The following RMDN2 variants were observed in gnomAD, a reference collection of about 807,000 sequenced individuals.
RMDN2 encodes the protein regulator of microtubule dynamics 2.
RMDN2 carries 61 observed loss-of-function variants against 52.8 expected under a neutral mutation model. The observed-to-expected ratio is 1.16, with a 90% CI of 0.94 to 1.43. The LOEUF is 1.43. Among genes scored for constraint, RMDN2 ranks in the 40% most tolerant of loss-of-function variants. RMDN2 has a pLI of 0.00. For synonymous variants in RMDN2, 180 were observed against 153.1 expected (o/e 1.18, Z -1.30); for missense variants, 592 against 475.3 (o/e 1.25, Z -2.28).
intron 10 of RMDN2, among the ~76,000 whole-genome samples, chr2:38,062,185 A>C (rs1200959058): frequency 1.3e-5 from 2 of 152,240 alleles, no homozygotes; most frequent in Admixed American, 1.3e-4. Context: ...TGTCACAATC[A>C]GAAAACCTTC....
At chr2:37,943,849 T>C (rs1339785707) in intron 2 of RMDN2, among the ~76,000 whole-genome samples, 1 of 152,186 alleles carries the variant, frequency 6.6e-6, no homozygotes, top group African/African-American at 2.4e-5. Flanking sequence ...CCTGACTTTA[T>C]AATTTTTAGT....
intron 10 of RMDN2, among the ~76,000 whole-genome samples, chr2:38,038,071 C>T (rs1419619966): frequency 6.6e-6 from 1 of 152,176 alleles, no homozygotes; most frequent in Non-Finnish European, 1.5e-5. Context: ...CTTCTCCCCT[C>T]CATTCTCCCC....
chr2:37,995,383 AT>A (rs753008773), intron 7 of RMDN2, among the ~76,000 whole-genome samples: 5 of 150,862 alleles, frequency 3.3e-5, no homozygotes, highest in African/African-American at 4.9e-5. Flanking sequence ...ACACTCATAA[AT>A]TTTAAGGCAA....
At chr2:38,040,461 T>C (rs2116233) in intron 10 of RMDN2, among the ~76,000 whole-genome samples, 1 of 151,950 alleles carries the variant, frequency 6.6e-6, no homozygotes, top group African/African-American at 2.4e-5. Context: ...CCTTCCATCA[T>C]GTAAGGACAC....
At chr2:37,960,744 G>A (rs562605099) in intron 2 of RMDN2, among the ~76,000 whole-genome samples, 1 of 152,240 alleles carries the variant, frequency 6.6e-6, no homozygotes, top group Admixed American at 6.5e-5. Context: ...GATTCCAGCT[G>A]GTTATTTTGC....
chr2:37,990,021 T>C (rs1335302885), intron 6 of RMDN2, among the ~76,000 whole-genome samples: 1 of 151,208 alleles, frequency 6.6e-6, no homozygotes, highest in East Asian at 1.9e-4. Flanking sequence ...CGGGCGCCTA[T>C]AGTCCCAGCT....
intron 2 of RMDN2, among the ~76,000 whole-genome samples, chr2:37,969,004 GT>G (rs924425486): frequency 2.0e-4 from 30 of 147,594 alleles, no homozygotes; most frequent in African/African-American, 7.2e-4. Context: ...GAAGATCCCT[GT>G]TCAAAGTAGG....
In RMDN2 at chr2:37,960,241, G is replaced by C. The variant is rs1240567558; in HGVS notation, c.453-13799G>C. Reference sequence around the variant, plus strand: ...TGATCTGTCTAACATTGACAATGGGGTTTTAAAGTCTCCCACTATTAATGT... The same window carrying C: ...TGATCTGTCTAACATTGACAATGGGCTTTTAAAGTCTCCCACTATTAATGT... On this transcript the variant is annotated intron_variant, in intron 2 of 10. Coordinates refer to ENST00000354545, the MANE Select transcript of RMDN2 (RefSeq NM_001170791.3). Among the ~76,000 whole-genome samples the C allele has an allele frequency of 3.3e-5, 5 of 152,122 alleles. No homozygotes were observed. In the East Asian group the frequency reaches 9.7e-4, roughly 29 times the overall value.
chr2:37,984,173 T>TA (rs1340171845), intron 5 of RMDN2, among the ~76,000 whole-genome samples: 1 of 152,244 alleles, frequency 6.6e-6, no homozygotes, highest in Non-Finnish European at 1.5e-5. Context: ...CTATCTTTTC[T>TA]AAAATGAAAT....
At chr2:37,938,812 CG>C (rs1667535927) in intron 2 of RMDN2, among the ~76,000 whole-genome samples, 1 of 151,984 alleles carries the variant, frequency 6.6e-6, no homozygotes, top group Non-Finnish European at 1.5e-5. Flanking sequence ...ATCTGGCTAG[CG>C]GTCTATCTAT....
At chr2:37,985,304 G>A (rs1312991057) in intron 5 of RMDN2, among the ~76,000 whole-genome samples, 4 of 152,120 alleles carry the variant, frequency 2.6e-5, no homozygotes, top group Non-Finnish European at 5.9e-5. Context: ...GGGTTGTTTT[G>A]TGCATCTCTA....
chr2:37,945,810 G>C (rs1668171519), intron 2 of RMDN2, among the ~76,000 whole-genome samples: 1 of 152,152 alleles, frequency 6.6e-6, no homozygotes, highest in South Asian at 2.1e-4. Flanking sequence ...CAGGGACAGA[G>C]TCTATACACT....
At chr2:37,944,371 T>C (rs1668047959) in intron 2 of RMDN2, among the ~76,000 whole-genome samples, 1 of 150,384 alleles carries the variant, frequency 6.6e-6, no homozygotes, top group Non-Finnish European at 1.5e-5. Context: ...CTGAGGACCA[T>C]ACAGTCTCCG....
At chr2:38,036,992 A>T (rs1680627755) in intron 10 of RMDN2, among the ~76,000 whole-genome samples, 1 of 152,156 alleles carries the variant, frequency 6.6e-6, no homozygotes, top group South Asian at 2.1e-4. Context: ...AACATGGGAA[A>T]ATGTGCTGCT....
intron 10 of RMDN2, among the ~76,000 whole-genome samples, chr2:38,056,731 T>G (rs1400023940): frequency 6.6e-6 from 1 of 152,210 alleles, no homozygotes; most frequent in Non-Finnish European, 1.5e-5. Context: ...AATTATGACA[T>G]ACCCCTAAAT....
upstream of RMDN2, among the ~76,000 whole-genome samples, chr2:37,924,285 G>C (rs1363055589): frequency 6.6e-6 from 1 of 152,176 alleles, no homozygotes; most frequent in African/African-American, 2.4e-5. Context: ...TCAATATATT[G>C]GTGGGAAGTT....
At chr2:37,951,261 C>G in intron 2 of RMDN2, 1 of 1,599,388 alleles carries the variant, frequency 6.3e-7, no homozygotes, top group Non-Finnish European at 8.5e-7. Context: ...GAGCTTCCAA[C>G]GATGTTCTCC....
intron 5 of RMDN2, among the ~76,000 whole-genome samples, chr2:37,982,388 A>G (rs1673439941): frequency 6.6e-6 from 1 of 152,210 alleles, no homozygotes; most frequent in Non-Finnish European, 1.5e-5. Flanking sequence ...AAATATGAAT[A>G]GACTTTTTGA....
chr2:38,029,375 A>T (rs143467936), intron 10 of RMDN2: 2 of 152,110 alleles, frequency 1.3e-5, no homozygotes, highest in Non-Finnish European at 2.9e-5. Context: ...TTTTGCCACA[A>T]AACCTTCTGA....
Sources: allele counts gnomAD v4.1 joint callset (sites outside exome capture counted in the v4.1 genomes callset), GRCh38; gene constraint gnomAD v4.1.1; transcripts MANE v1.5; gene names NCBI Gene and HGNC (gene_info 2026-07-23, HGNC 2026-07-21).